The following SLC4A5 variants were observed in gnomAD, a reference collection of about 807,000 sequenced individuals.
SLC4A5 encodes the protein solute carrier family 4 member 5.
In SLC4A5, 96 loss-of-function variants were observed where a neutral mutation model predicts 120.4. That is an observed-to-expected ratio of 0.80 (90% CI 0.68 to 0.94). SLC4A5 has a LOEUF of 0.94. Ranked by LOEUF, SLC4A5 falls within the 40% of genes least tolerant of loss-of-function variation. The pLI, the probability that SLC4A5 is intolerant of heterozygous loss-of-function variation, is 0.00. For synonymous variants in SLC4A5, 550 were observed against 571.1 expected (o/e 0.96, Z 0.53); for missense variants, 1,259 against 1,459.5 (o/e 0.86, Z 2.24).
intron 6 of SLC4A5, among the ~76,000 whole-genome samples, chr2:74,306,264 A>C (rs1672640437): frequency 6.6e-6 from 1 of 152,168 alleles, no homozygotes; most frequent in Non-Finnish European, 1.5e-5. Flanking sequence ...CTGACCAGAG[A>C]CATGCCAGCC....
At position 74,255,418 on chromosome 2, in the gene SLC4A5, G is replaced by A. The variant is rs924628991; in HGVS notation, c.1025+357C>T. Among the ~76,000 whole-genome samples the A allele has an allele frequency of 3.3e-5, 5 of 152,062 alleles. No individual in the cohort carries two copies. The highest frequency in any genetic ancestry group is 4.2e-4 in the South Asian group (2 of 4,806). Reference sequence around the variant, plus strand: ...AGTGATTCTCCTGCCTCAGCCTCCCGAGGAGCTGGGATTACAGGCGCGTAC... The same window carrying A: ...AGTGATTCTCCTGCCTCAGCCTCCCAAGGAGCTGGGATTACAGGCGCGTAC... On this transcript the variant is annotated intron_variant, in intron 13 of 30. Transcript: ENST00000394019. The surrounding 1 kb of genome is among the most constrained non-coding windows in gnomAD (Gnocchi z 4.0).
rs748772220 is a variant in SLC4A5 at position 74,252,413 on chromosome 2, G to A, written c.1269-25C>T. ...CCTGGAAGAGAAGGGGGATGAAGGA[G>A]AGTGGGTCCCCCAGAGCACCCCTCA... On this transcript the variant is annotated intron_variant, in intron 15 of 30. Transcript: ENST00000394019. 1.1e-5 allele frequency: 18 copies of A among 1,602,096 alleles called. No homozygotes were observed. In the Middle Eastern group the frequency reaches 1.2e-3, roughly 104 times the overall value.
rs376398363 is a variant in SLC4A5, at chr2:74,239,544, C to A, written c.2119-9G>T. ...AGGTTAAGGAGGTTGTACTTGGAGA[C>A]CAAGCACAGGAGAGAATGGGTCAGC... On this transcript the variant is annotated splice_polypyrimidine_tract_variant and intron_variant, in intron 20 of 30. Coordinates refer to ENST00000394019, the Ensembl canonical transcript of SLC4A5. 3.7e-5 allele frequency: 59 copies of A among 1,613,728 alleles called. No individual in the cohort carries two copies. In the African/African-American group the frequency reaches 7.7e-4, roughly 21 times the overall value.
intron 5 of SLC4A5, among the ~76,000 whole-genome samples, chr2:74,322,639 T>C (rs779259201): frequency 6.6e-6 from 1 of 152,178 alleles, no homozygotes; most frequent in Non-Finnish European, 1.5e-5. Context: ...ATATTTGTCA[T>C]ATTGTACACA....
At chr2:74,275,395 CCTCT>C (rs1035365197) in intron 8 of SLC4A5, among the ~76,000 whole-genome samples, 1 of 152,222 alleles carries the variant, frequency 6.6e-6, no homozygotes, top group Non-Finnish European at 1.5e-5. Context: ...GGAACCAAAA[CCTCT>C]CTGAGGGCCA....
intron 6 of SLC4A5, among the ~76,000 whole-genome samples, chr2:74,312,590 G>A (rs891782720): frequency 2.6e-5 from 4 of 152,032 alleles, no homozygotes; most frequent in Admixed American, 6.6e-5. Context: ...TTTTGATCCT[G>A]CCTAACATCC....
chr2:74,307,405 C>T (rs776721254), intron 6 of SLC4A5: 37 of 636,674 alleles, frequency 5.8e-5, no homozygotes, highest in Non-Finnish European at 7.6e-5. Context: ...TCGAGAGCCT[C>T]GATCTCTGTC....
intron 6 of SLC4A5, chr2:74,306,792 G>T: frequency 1.3e-6 from 1 of 768,688 alleles, no homozygotes; most frequent in Non-Finnish European, 2.1e-6. Flanking sequence ...CCAGTGGGTA[G>T]TGTTCTTTTG....
chr2:74,333,347 C>G (rs1167551860), intron 4 of SLC4A5, among the ~76,000 whole-genome samples: 3 of 152,156 alleles, frequency 2.0e-5, no homozygotes, highest in African/African-American at 7.2e-5. Flanking sequence ...TCAACATAGG[C>G]CCACCTCACT....
intron 8 of SLC4A5, among the ~76,000 whole-genome samples, chr2:74,273,312 A>C (rs1194574587): frequency 1.3e-5 from 2 of 152,200 alleles, no homozygotes; most frequent in Non-Finnish European, 2.9e-5. Context: ...AATCCCCCCT[A>C]GGACATTCTA....
At chr2:74,304,702 CAG>C (rs1672586298) in intron 6 of SLC4A5, 22 bp from the exon 7 acceptor site, 1 of 1,586,274 alleles carries the variant, frequency 6.3e-7, no homozygotes, top group African/African-American at 1.4e-5. Flanking sequence ...GCACAAAAGA[CAG>C]GGGAGGCAGG....
chr2:74,308,704 A>G (rs1210250110), intron 6 of SLC4A5, among the ~76,000 whole-genome samples: 2 of 151,392 alleles, frequency 1.3e-5, no homozygotes, highest in Non-Finnish European at 2.9e-5. Context: ...TTCACAGAGC[A>G]GAAGTTTTCA....
chr2:74,307,155 T>C, intron 6 of SLC4A5: 3 of 559,724 alleles, frequency 5.4e-6, no homozygotes, highest in South Asian at 5.1e-5. Context: ...AGCTCCAACC[T>C]TGGCAGACTG....
intron 8 of SLC4A5, among the ~76,000 whole-genome samples, chr2:74,271,815 A>G (rs574730523): frequency 3.9e-5 from 6 of 152,008 alleles, no homozygotes; most frequent in Non-Finnish European, 8.8e-5. Context: ...AAATACTCAG[A>G]AGCCGGGCAT....
chr2:74,329,757 G>A (rs1294347354), intron 4 of SLC4A5, among the ~76,000 whole-genome samples: 1 of 151,752 alleles, frequency 6.6e-6, no homozygotes, highest in Non-Finnish European at 1.5e-5. Flanking sequence ...AGGTATTGAC[G>A]GTGGTGTAAG....
exon 6 of SLC4A5, chr2:74,314,956 G>A (rs1241522496): frequency 7.4e-6 from 12 of 1,613,518 alleles, no homozygotes; most frequent in African/African-American, 2.7e-5. Flanking sequence ...TTTCTGATCC[G>A]GAAATCTCCT....
rs1671269484 is a variant in SLC4A5 at position 74,265,337 on chromosome 2, G to A, written c.402-73C>T. ...AGGCCTCACCTGGGTCTCCCCAAAA[G>A]AGGGGTGTCATGTGGGTTCATGCTA... On this transcript the variant is annotated intron_variant, in intron 8 of 30. Coordinates refer to ENST00000394019, the Ensembl canonical transcript of SLC4A5. 3 of 1,550,800 alleles carry A rather than the reference G, an allele frequency of 1.9e-6. 1 individual carries two copies. The highest frequency in any genetic ancestry group is 2.6e-6 in the Non-Finnish European group (3 of 1,140,294).
At chr2:74,273,508 G>A (rs1671540285) in intron 8 of SLC4A5, among the ~76,000 whole-genome samples, 1 of 152,064 alleles carries the variant, frequency 6.6e-6, no homozygotes, top group Admixed American at 6.6e-5. Context: ...ACTTTATTCT[G>A]TAACTCTCCC....
intron 8 of SLC4A5, among the ~76,000 whole-genome samples, chr2:74,276,094 T>G (rs1671630291): frequency 6.6e-6 from 1 of 151,902 alleles, no homozygotes; most frequent in South Asian, 2.1e-4. Flanking sequence ...TTTTTATATA[T>G]TTAAAGCATT....
Sources: gnomAD v4.1 joint callset for allele counts (sites outside exome capture counted in the v4.1 genomes callset) on GRCh38, gnomAD v4.1.1 for gene constraint, Gnocchi (gnomAD v3.1) non-coding constraint, MANE v1.5 for transcripts, NCBI Gene and HGNC (gene_info 2026-07-23, HGNC 2026-07-21) for gene names.